The following PDPK1 variants were observed in gnomAD, a reference collection of about 807,000 sequenced individuals.
The protein encoded by PDPK1 is 3-phosphoinositide dependent protein kinase 1.
Under a neutral mutation model 39.8 loss-of-function variants are expected in PDPK1, and 7 were observed. The ratio of observed to expected loss-of-function variants is 0.18; its 90% CI spans 0.10 to 0.33. PDPK1 has a LOEUF of 0.33. PDPK1 is among the 10% of genes least tolerant of loss of function. PDPK1 has a pLI of 1.00. For synonymous variants in PDPK1, 118 were observed against 159.1 expected, an observed-to-expected ratio of 0.74 and a Z score of 1.95; for missense variants, 182 against 384.7, an observed-to-expected ratio of 0.47 and a Z score of 4.41.
chr16:2,544,814 G>T (rs1597018623), intron 1 of PDPK1, among the ~76,000 whole-genome samples: 1 of 152,020 alleles, frequency 6.6e-6, no homozygotes, highest in Non-Finnish European at 1.5e-5. Flanking sequence ...TTGATCTCCT[G>T]ACCTCGTGAT....
intron 11 of PDPK1, among the ~76,000 whole-genome samples, chr16:2,589,056 A>G (rs926978892): frequency 1.1e-4 from 17 of 152,172 alleles, no homozygotes; most frequent in African/African-American, 4.1e-4. Context: ...CCTGGGTTAA[A>G]GTGATTCTCC....
At position 2,558,781 on chromosome 16, in the gene PDPK1, C is replaced by T. The variant is rs1286198638; in HGVS notation, c.285+818C>T. Among the ~76,000 whole-genome samples, 4 of 145,360 alleles carry T rather than the reference C, an allele frequency of 2.8e-5. No individual in the cohort carries two copies. The East Asian group carries it at 7.9e-4, about 29-fold the overall frequency. The stretch of plus-strand genomic sequence containing the variant: ...CGCCGTGTGCGTGCTAGGGCCATTC[C>T]AGGGAGCCCTGGGGGCACCTCACTC... On this transcript the variant is annotated intron_variant, in intron 2 of 13. Coordinates refer to ENST00000342085, the MANE Select transcript of PDPK1 (RefSeq NM_002613.5).
chr16:2,546,620 G>C (rs1207824032), intron 1 of PDPK1, among the ~76,000 whole-genome samples: 1 of 152,204 alleles, frequency 6.6e-6, no homozygotes, highest in Admixed American at 6.5e-5. Flanking sequence ...GTGAACCACC[G>C]TGCCCGGCCT....
intron 10 of PDPK1, among the ~76,000 whole-genome samples, chr16:2,586,248 C>T (rs1228377044): frequency 6.6e-6 from 1 of 152,232 alleles, no homozygotes; most frequent in Non-Finnish European, 1.5e-5. Context: ...CACCTGGGGC[C>T]CAACAAGGTC....
intron 1 of PDPK1, among the ~76,000 whole-genome samples, chr16:2,541,062 C>T (rs1471826950): frequency 1.4e-4 from 21 of 152,116 alleles, no homozygotes; most frequent in Non-Finnish European, 2.6e-4. Context: ...GACAGCCAGT[C>T]CAAGCTGAGT....
At position 2,599,973 on chromosome 16, in the gene PDPK1, G is replaced by C. The variant is rs1190420616; in HGVS notation, c.*2206G>C. The C allele has an allele frequency of 4.3e-6, 1 of 233,182 alleles. No individual in the cohort carries two copies. Among genetic ancestry groups the C allele is most frequent in the East Asian group, 6.0e-5 (1 of 16,612 alleles). 14.4% of individuals were successfully genotyped at this position (233,182 alleles called of 1,614,324 possible). A position where few individuals can be genotyped will look rare whatever the true frequency, so the allele number is the denominator to read the frequency against. ...GAACTAGGGGCTCAGAGCCAGAGCT[G>C]GCAGCCGCCAGCCAAAATGATGCCA... On this transcript the variant is annotated 3_prime_UTR_variant, in exon 14 of 14. Coordinates refer to ENST00000342085, the MANE Select transcript of PDPK1 (RefSeq NM_002613.5).
chr16:2,586,911 T>C lies in PDPK1; in HGVS notation c.1343+18T>C, dbSNP rs1328497451. 9 of 1,607,884 alleles carry C rather than the reference T, an allele frequency of 5.6e-6. No individual in the cohort carries two copies. The East Asian group carries it at 1.3e-4, about 24-fold the overall frequency. The stretch of plus-strand genomic sequence containing the variant: ...AACCCTTGGTAAGAACTTATGGACA[T>C]AAGCAATGCTTTTTGCAGAATTGCA... On this transcript the variant is annotated intron_variant, in intron 11 of 13. Transcript: ENST00000342085.
rs1026118194 is a variant in PDPK1 at position 2,538,144 on chromosome 16, C to T, written c.24+8C>T. On this transcript the variant is annotated splice_region_variant and intron_variant, in intron 1 of 13. Coordinates refer to ENST00000342085, the MANE Select transcript of PDPK1 (RefSeq NM_002613.5). ...AGGACCACCAGCCAGCTGGTGAGCGCGCGGCGGCGGACTGGACGCGCCGGT... is the reference window on the plus strand; with the variant it reads ...AGGACCACCAGCCAGCTGGTGAGCGTGCGGCGGCGGACTGGACGCGCCGGT... The T allele has an allele frequency of 1.9e-6, 2 of 1,060,930 alleles. No homozygotes were observed. The highest frequency in any genetic ancestry group is 5.9e-5 in the East Asian group (1 of 16,894). The allele number at this position is 1,060,930 out of a possible 1,614,324, so 65.7% of individuals were successfully genotyped here.
At position 2,597,790 on chromosome 16, in the gene PDPK1, C is replaced by T; in HGVS notation, c.*23C>T. 1 of 1,532,694 alleles carries T rather than the reference C, an allele frequency of 6.5e-7. No homozygotes were observed. The highest frequency in any genetic ancestry group is 9.0e-7 in the Non-Finnish European group (1 of 1,108,898). 94.9% of individuals were successfully genotyped at this position (1,532,694 alleles called of 1,614,324 possible). On this transcript the variant is annotated 3_prime_UTR_variant, in exon 14 of 14. Coordinates refer to ENST00000342085, the MANE Select transcript of PDPK1 (RefSeq NM_002613.5). This position sits in a 1 kb window ranked among gnomAD's most constrained non-coding sequence, Gnocchi z 6.3. ...TGACGTGGCCTGCGGCCGGGCTGCC[C>T]TTCGCTGCCAGGACACCTGCCCCAG...
intron 1 of PDPK1, among the ~76,000 whole-genome samples, chr16:2,546,094 T>A (rs1175071085): frequency 6.6e-6 from 1 of 152,174 alleles, no homozygotes; most frequent in African/African-American, 2.4e-5. Context: ...AAGGTAACTT[T>A]TTTTTTCAAG....
chr16:2,600,075 G>C lies in PDPK1; in HGVS notation c.*2308G>C, dbSNP rs2142016796. On this transcript the variant is annotated 3_prime_UTR_variant, in exon 14 of 14. Coordinates refer to ENST00000342085, the MANE Select transcript of PDPK1 (RefSeq NM_002613.5). ...AGCCCCTTGCTCTTCCCTTTTGAAAGGCCCGTGTGTTTTCTTTCCTTACCC... is the reference window on the plus strand; with the variant it reads ...AGCCCCTTGCTCTTCCCTTTTGAAACGCCCGTGTGTTTTCTTTCCTTACCC... 1 of 233,398 alleles carries C rather than the reference G, an allele frequency of 4.3e-6. No individual in the cohort carries two copies. Among genetic ancestry groups the C allele is most frequent in the East Asian group, 6.0e-5 (1 of 16,588 alleles). 14.5% of individuals were successfully genotyped at this position (233,398 alleles called of 1,614,324 possible). A position where few individuals can be genotyped will look rare whatever the true frequency, so the allele number is the denominator to read the frequency against.
chr16:2,545,655 C>T (rs1317619273), intron 1 of PDPK1, among the ~76,000 whole-genome samples: 7 of 152,132 alleles, frequency 4.6e-5, no homozygotes, highest in Non-Finnish European at 7.4e-5. Flanking sequence ...CCGCCACACT[C>T]GGCTAATTTT....
At chr16:2,540,729 G>A (rs140087374) in intron 1 of PDPK1, among the ~76,000 whole-genome samples, 2,910 of 152,292 alleles carry the variant, frequency 0.019, 82 homozygotes, top group African/African-American at 0.066. Flanking sequence ...GAAAGCAGCT[G>A]TTTGGGAAGA....
At chr16:2,539,769 T>C (rs1003107779) in intron 1 of PDPK1, among the ~76,000 whole-genome samples, 2 of 152,208 alleles carry the variant, frequency 1.3e-5, no homozygotes, top group Non-Finnish European at 2.9e-5. Flanking sequence ...GTGACAGTCA[T>C]GGCGAAATTT....
rs1597081936 is a variant in PDPK1 at position 2,599,242 on chromosome 16, T to A, written c.*1475T>A. On this transcript the variant is annotated 3_prime_UTR_variant, in exon 14 of 14. Transcript: ENST00000342085. Reference sequence around the variant, plus strand: ...CTCCCTTTGGGGGAGAGGCAGACATTGCTGCCCACAGACCTGCCTCTGACT... The same window carrying A: ...CTCCCTTTGGGGGAGAGGCAGACATAGCTGCCCACAGACCTGCCTCTGACT... The A allele has an allele frequency of 4.4e-6, 1 of 226,802 alleles. No individual in the cohort carries two copies. The highest frequency in any genetic ancestry group is 6.0e-5 in the East Asian group (1 of 16,584). The allele number at this position is 226,802 out of a possible 1,614,324, so 14.0% of individuals were successfully genotyped here.
intron 6 of PDPK1, among the ~76,000 whole-genome samples, chr16:2,573,512 T>C (rs1302576243): frequency 1.6e-5 from 1 of 63,512 alleles, no homozygotes; most frequent in Non-Finnish European, 2.8e-5. Flanking sequence ...TCTTATTTGT[T>C]TTTAATGTTA....
rs1424461186 is a variant in PDPK1, at chr16:2,552,059, C to T, written c.25-5644C>T. Among the ~76,000 whole-genome samples, 7 of 151,442 alleles carry T rather than the reference C, an allele frequency of 4.6e-5. 1 individual carries two copies. The Middle Eastern group carries it at 0.014, about 294-fold the overall frequency. On this transcript the variant is annotated intron_variant, in intron 1 of 13. Coordinates refer to ENST00000342085, the MANE Select transcript of PDPK1 (RefSeq NM_002613.5). ...GTGTTGCCCAGGCTAGTGTTGAACT[C>T]CTGGCCTCAGGTGATTCTCCTGCCT...
intron 11 of PDPK1, among the ~76,000 whole-genome samples, chr16:2,594,871 C>T (rs1262163654): frequency 1.3e-5 from 2 of 152,160 alleles, no homozygotes; most frequent in Admixed American, 6.5e-5. Flanking sequence ...CCTATAATCC[C>T]AGCACTTTGG....
Position 2,597,988 on chromosome 16 carries a change from G to T in PDPK1, c.*221G>T. The T allele has an allele frequency of 5.3e-6, 3 of 566,068 alleles. No individual in the cohort carries two copies. Among genetic ancestry groups the T allele is most frequent in the Admixed American group, 3.1e-5 (1 of 32,058 alleles). 35.1% of individuals were successfully genotyped at this position (566,068 alleles called of 1,614,324 possible). ...ACACAAAGGAATTCAGGGTCGCTTT[G>T]CTTGCTCTCTGTGCTCCGTGGAGGC... On this transcript the variant is annotated 3_prime_UTR_variant, in exon 14 of 14. Coordinates refer to ENST00000342085, the MANE Select transcript of PDPK1 (RefSeq NM_002613.5). The surrounding 1 kb of genome is among the most constrained non-coding windows in gnomAD (Gnocchi z 6.3).
Sources: gnomAD v4.1 joint callset for allele counts (sites outside exome capture counted in the v4.1 genomes callset) on GRCh38, gnomAD v4.1.1 for gene constraint, Gnocchi (gnomAD v3.1) non-coding constraint, MANE v1.5 for transcripts, NCBI Gene and HGNC (gene_info 2026-07-23, HGNC 2026-07-21) for gene names.